The following CSMD2 variants were observed in gnomAD, a reference collection of about 807,000 sequenced individuals.
CSMD2 encodes the protein CUB and Sushi multiple domains 2, also known as CUB and sushi domain-containing protein 2.
Under a neutral mutation model 398.5 loss-of-function variants are expected in CSMD2, and 130 were observed. That is an observed-to-expected ratio of 0.33 (90% CI 0.28 to 0.38). CSMD2 has a LOEUF of 0.38. CSMD2 is among the 10% of genes least tolerant of loss of function. The pLI is 1.00. For missense variants in CSMD2, 3,829 were observed against 4,764.9 expected (o/e 0.80, Z 5.78); for synonymous variants, 1,828 against 1,908.5 (o/e 0.96, Z 1.10).
intron 5 of CSMD2, chr1:33,875,560 C>T (rs1640781130): frequency 6.6e-6 from 1 of 152,168 alleles, no homozygotes; most frequent in Non-Finnish European, 1.5e-5. Flanking sequence ...AGAATGCACA[C>T]CACAGGGAGC....
chr1:34,154,224 C>G (rs988397174), intron 1 of CSMD2, among the ~76,000 whole-genome samples: 1 of 152,146 alleles, frequency 6.6e-6, no homozygotes, highest in African/African-American at 2.4e-5. Context: ...CAAAATTGGA[C>G]AGGTGGCTAA....
intron 5 of CSMD2, chr1:33,864,820 T>A: frequency 7.4e-7 from 1 of 1,345,626 alleles, no homozygotes; most frequent in African/African-American, 1.5e-5. Context: ...ATGTGTGGCA[T>A]TAGAGTAGCT....
At chr1:34,033,191 T>C in intron 2 of CSMD2, among the ~76,000 whole-genome samples, 1 of 152,226 alleles carries the variant, frequency 6.6e-6, no homozygotes, top group East Asian at 1.9e-4. Flanking sequence ...TAAGTGCCTA[T>C]TAGTTTTTAA....
At position 33,514,852 on chromosome 1, in the gene CSMD2, G is replaced by A. The variant is rs556377549; in HGVS notation, c.*1772C>T. Reference sequence around the variant, plus strand: ...AGCCTCCATTGTGTCTGCTGGAAATGGACGCCTCTCACTTTCCTCTGGCCA... The same window carrying A: ...AGCCTCCATTGTGTCTGCTGGAAATAGACGCCTCTCACTTTCCTCTGGCCA... On this transcript the variant is annotated 3_prime_UTR_variant, in exon 71 of 71. Transcript: ENST00000373381. 14 of 152,282 alleles carry A rather than the reference G, an allele frequency of 9.2e-5. No individual in the cohort carries two copies. Among genetic ancestry groups the A allele is most frequent in the African/African-American group, 3.1e-4 (13 of 41,550 alleles). The allele number at this position is 152,282 out of a possible 1,614,324, so 9.4% of individuals were successfully genotyped here.
At chr1:33,557,617 GACACACACAC>G (rs10579079) in intron 55 of CSMD2, 107 bp downstream of exon 55, 22,261 of 656,500 alleles carry the variant, frequency 0.034, 147 homozygotes, top group Middle Eastern at 0.061. Context: ...TACATGTGCA[GACACACACAC>G]ACACACACAC....
At chr1:33,644,766 C>T (rs1487906659) in intron 29 of CSMD2, among the ~76,000 whole-genome samples, 1 of 152,036 alleles carries the variant, frequency 6.6e-6, no homozygotes, top group Non-Finnish European at 1.5e-5. Flanking sequence ...TAAGTTGTGG[C>T]TTCTGTTTGT....
Position 33,524,913 on chromosome 1 carries a change from G to A in CSMD2, c.10365C>T (p.Ile3455=), listed in dbSNP as rs752839094. 27 of 1,614,042 alleles carry A rather than the reference G, an allele frequency of 1.7e-5. No homozygotes were observed. The highest frequency in any genetic ancestry group is 4.0e-5 in the African/African-American group (3 of 74,932). Residue 3455 remains isoleucine, a synonymous_variant, in exon 66 of 71, where the codon ATC becomes ATT. Transcript: ENST00000373381. ...AGTGCAGCTCCACGCCACTGTGGTC[G>A]ATCATGGTGGCATTGACCTTGCTGT... ...VANSKVNATM[I]DHSGVELHLA...
intron 1 of CSMD2, among the ~76,000 whole-genome samples, chr1:34,131,827 A>G (rs1663377552): frequency 6.6e-6 from 1 of 152,118 alleles, no homozygotes; most frequent in Non-Finnish European, 1.5e-5. Context: ...TCTTTGCACA[A>G]GCTCACCTCT....
At chr1:33,541,882 C>T (rs1434118978) in intron 58 of CSMD2, among the ~76,000 whole-genome samples, 2 of 152,142 alleles carry the variant, frequency 1.3e-5, no homozygotes, top group Non-Finnish European at 2.9e-5. Context: ...CTGAGGGGTA[C>T]ATCTTATCAC....
chr1:34,152,726 TATAAC>T (rs1640442858), intron 1 of CSMD2, among the ~76,000 whole-genome samples: 1 of 152,206 alleles, frequency 6.6e-6, no homozygotes, highest in African/African-American at 2.4e-5. Context: ...GTAAAATACA[TATAAC>T]ATAAGTGTGC....
At chr1:34,144,157 G>A (rs746039884) in intron 1 of CSMD2, among the ~76,000 whole-genome samples, 6 of 152,174 alleles carry the variant, frequency 3.9e-5, no homozygotes, top group Admixed American at 6.5e-5. Context: ...AGTCCAAGGT[G>A]GGTGGGGCTC....
chr1:33,768,535 CATGTGT>C (rs1474449032), intron 13 of CSMD2, among the ~76,000 whole-genome samples: 210 of 114,618 alleles, frequency 1.8e-3, no homozygotes, highest in African/African-American at 5.3e-3. Context: ...TGTGTGCGTG[CATGTGT>C]GTGTGTGTGT....
At chr1:33,711,049 G>A (rs1645970412) in intron 21 of CSMD2, among the ~76,000 whole-genome samples, 1 of 152,216 alleles carries the variant, frequency 6.6e-6, no homozygotes, top group South Asian at 2.1e-4. Context: ...CATGATGAAT[G>A]TGCTGAGATG....
rs190543075 is a variant in CSMD2, at chr1:33,522,487, C to G, written c.10509+820G>C. On this transcript the variant is annotated intron_variant, in intron 67 of 70. Transcript: ENST00000373381. ...GATTATGAAGGGGACCTACAGATAC[C>G]CTTGGGCCTACCAAGGAACTACCTG... 1.6e-3 allele frequency among the ~76,000 whole-genome samples: 246 copies of G among 152,278 alleles called. 1 individual carries two copies. The highest frequency in any genetic ancestry group is 5.5e-3 in the African/African-American group (227 of 41,568).
At chr1:34,083,806 C>A (rs1228477416) in intron 2 of CSMD2, among the ~76,000 whole-genome samples, 2 of 152,040 alleles carry the variant, frequency 1.3e-5, no homozygotes, top group African/African-American at 2.4e-5. Context: ...GTAGTCCCAG[C>A]TACTTTTGGG....
chr1:33,988,775 G>C (rs934096558), intron 3 of CSMD2, among the ~76,000 whole-genome samples: 8 of 151,506 alleles, frequency 5.3e-5, no homozygotes. Flanking sequence ...ATGTTGTATC[G>C]GCATCTTATT....
At chr1:33,640,501 A>AT (rs1557661980) in intron 29 of CSMD2, among the ~76,000 whole-genome samples, 1 of 152,194 alleles carries the variant, frequency 6.6e-6, no homozygotes, top group Non-Finnish European at 1.5e-5. Flanking sequence ...ATTTGTTTAC[A>AT]TATTGTCTGT....
At position 33,540,641 on chromosome 1, in the gene CSMD2, A is replaced by G; in HGVS notation, c.9515T>C (p.Phe3172Ser). ...IPNGKVVGSDFMWGSSVTYAC... is the reference protein window; with the variant it reads ...IPNGKVVGSDSMWGSSVTYAC... ...ATAAGTCACACTTGAGCCCCACATG[A>G]AGTCAGACCCCACCACCTTCCCATT... Residue 3172 changes from phenylalanine to serine, a missense_variant, in exon 60 of 71, where the codon TTC (phenylalanine) becomes TCC (serine). This residue lies in a region of CSMD2 where 917 missense variants were observed against 1,199.5 expected (regional missense o/e 0.76). Transcript: ENST00000373381. 6.2e-7 allele frequency: 1 copy of G among 1,614,154 alleles called. No homozygotes were observed.
At chr1:34,012,311 T>C (rs572657297) in intron 3 of CSMD2, among the ~76,000 whole-genome samples, 49 of 152,226 alleles carry the variant, frequency 3.2e-4, no homozygotes, top group African/African-American at 1.2e-3. Flanking sequence ...AATACCACCT[T>C]CTCAAGGTCT....
Sources: allele counts gnomAD v4.1 joint callset (sites outside exome capture counted in the v4.1 genomes callset), GRCh38; gene constraint gnomAD v4.1.1; regional missense constraint gnomAD v4.1.1; transcripts MANE v1.5; gene names NCBI Gene and HGNC (gene_info 2026-07-23, HGNC 2026-07-21).